DYTN: variants seen among roughly 807,000 people sequenced by gnomAD.
DYTN encodes the protein dystrotelin.
A neutral mutation model predicts 69.6 loss-of-function variants in DYTN; 75 were observed. The observed-to-expected ratio is 1.08, with a 90% CI of 0.89 to 1.31. The LOEUF is 1.31. Ranked by LOEUF, DYTN falls within the 50% of genes most tolerant of loss-of-function variation. DYTN has a pLI of 0.00. For synonymous variants in DYTN, 252 were observed against 249.1 expected (o/e 1.01, Z -0.11); for missense variants, 726 against 688.4 (o/e 1.05, Z -0.61).
intron 11 of DYTN, among the ~76,000 whole-genome samples, chr2:206,659,213 C>T (rs1699480687): frequency 7.0e-6 from 1 of 143,450 alleles, no homozygotes; most frequent in South Asian, 2.2e-4. Context: ...ACCCTGTCGC[C>T]CAGGTTGGAG....
chr2:206,712,742 A>G (rs1439065922), intron 1 of DYTN, among the ~76,000 whole-genome samples: 2 of 152,184 alleles, frequency 1.3e-5, no homozygotes, highest in Non-Finnish European at 2.9e-5. Flanking sequence ...TGAAATTCCA[A>G]TAGTGTCAAC....
chr2:206,687,565 T>G (rs1374691213), intron 9 of DYTN, among the ~76,000 whole-genome samples: 1 of 152,198 alleles, frequency 6.6e-6, no homozygotes, highest in Non-Finnish European at 1.5e-5. Context: ...TATATATCTG[T>G]CTATTCCTTC....
chr2:206,675,124 T>C (rs1699670130), intron 9 of DYTN, among the ~76,000 whole-genome samples: 1 of 137,324 alleles, frequency 7.3e-6, no homozygotes, highest in Non-Finnish European at 1.6e-5. Flanking sequence ...TATGTGTGTG[T>C]GTGTGTGTGT....
In DYTN at chr2:206,685,246, C is replaced by T. The variant is rs566994225; in HGVS notation, c.980+7929G>A. 9.3e-4 allele frequency among the ~76,000 whole-genome samples: 141 copies of T among 152,162 alleles called. 1 individual carries two copies. Among genetic ancestry groups the T allele is most frequent in the African/African-American group, 3.1e-3 (128 of 41,498 alleles). On this transcript the variant is annotated intron_variant, in intron 9 of 11. Transcript: ENST00000452335. ...GCGCAATCACTGCTCACTGTAGCCTCGACCTACCAGGCTCAAGCGATCCTC... is the reference window on the plus strand; with the variant it reads ...GCGCAATCACTGCTCACTGTAGCCTTGACCTACCAGGCTCAAGCGATCCTC...
At chr2:206,658,737 T>G (rs2105886694) in intron 11 of DYTN, among the ~76,000 whole-genome samples, 1 of 152,324 alleles carries the variant, frequency 6.6e-6, no homozygotes, top group South Asian at 2.1e-4. Flanking sequence ...GCATTGAGCC[T>G]TTTGGAAAAG....
intron 11 of DYTN, among the ~76,000 whole-genome samples, chr2:206,659,995 A>AG (rs201821162): frequency 0.29 from 43,396 of 151,948 alleles, 6,280 homozygotes; most frequent in Non-Finnish European, 0.3. Flanking sequence ...TGCAAAGTAT[A>AG]AAGATGTGTA....
chr2:206,685,416 G>T lies in DYTN; in HGVS notation c.980+7759C>A, dbSNP rs138206100. Reference sequence around the variant, plus strand: ...GGGGTCAAGCGATCCTCCCATTTCTGCCTCCCAAAGTGCTGGGATTATGGG... The same window carrying T: ...GGGGTCAAGCGATCCTCCCATTTCTTCCTCCCAAAGTGCTGGGATTATGGG... On this transcript the variant is annotated intron_variant, in intron 9 of 11. Transcript: ENST00000452335. Among the ~76,000 whole-genome samples the T allele has an allele frequency of 3.2e-3, 486 of 152,170 alleles. 4 individuals are homozygous for T. Among genetic ancestry groups the T allele is most frequent in the African/African-American group, 0.011 (443 of 41,500 alleles).
intron 9 of DYTN, 61 bp downstream of exon 9, chr2:206,693,114 A>AT: frequency 2.0e-6 from 3 of 1,529,432 alleles, no homozygotes; most frequent in Non-Finnish European, 2.6e-6. Flanking sequence ...GCCGGTTACC[A>AT]TAACACCCAG....
intron 6 of DYTN, 30 bp downstream of exon 6, chr2:206,700,115 C>G: frequency 6.2e-7 from 1 of 1,612,366 alleles, no homozygotes; most frequent in Non-Finnish European, 8.5e-7. Context: ...TGTCTGTCCC[C>G]AACTCCAGGG....
At chr2:206,688,596 C>T (rs1333856004) in intron 9 of DYTN, among the ~76,000 whole-genome samples, 2 of 152,142 alleles carry the variant, frequency 1.3e-5, no homozygotes, top group Non-Finnish European at 2.9e-5. Flanking sequence ...TCTGCAAATA[C>T]TGAAAAAGCA....
intron 5 of DYTN, chr2:206,701,017 G>T (rs1043360851): frequency 1.3e-5 from 2 of 152,122 alleles, no homozygotes; most frequent in African/African-American, 4.8e-5. Flanking sequence ...ATCACTGATG[G>T]GCATTTGGGT....
In DYTN at chr2:206,666,179, C is replaced by T. The variant is rs911250472; in HGVS notation, c.981-150G>A. On this transcript the variant is annotated intron_variant, in intron 9 of 11. Coordinates refer to ENST00000452335, the MANE Select transcript of DYTN (RefSeq NM_001093730.1). ...TGTGTTTTTTGTTGAGATGGAGCCT[C>T]GCTCTGTCACCTAGGCTGGAGAATG... 2.4e-4 allele frequency: 254 copies of T among 1,068,764 alleles called. 1 individual carries two copies. The African/African-American group carries it at 3.3e-3, about 14-fold the overall frequency. 66.2% of individuals were successfully genotyped at this position (1,068,764 alleles called of 1,614,324 possible).
intron 9 of DYTN, among the ~76,000 whole-genome samples, chr2:206,678,767 G>A (rs7608615): frequency 1.1e-4 from 17 of 151,934 alleles, no homozygotes; most frequent in Admixed American, 5.9e-4. Flanking sequence ...GGGTAATAGC[G>A]GATTATTTGC....
At position 206,705,816 on chromosome 2, in the gene DYTN, T is replaced by C. The variant is rs773934911; in HGVS notation, c.354A>G (p.Ser118=). The part of the protein sequence containing the change: ...MPAAAALITL[S]GDSPLSKYRA... ...GGTATTTTGAAAGAGGGCTGTCTCC[T>C]GAGAGGGTTATTAGGGCAGCGGCCG... is the stretch of plus-strand genomic sequence containing the variant. Residue 118 remains serine, a synonymous_variant, in exon 4 of 12, where the codon TCA becomes TCG. Transcript: ENST00000452335. 1.4e-5 allele frequency: 22 copies of C among 1,613,886 alleles called. No individual in the cohort carries two copies. In the South Asian group the frequency reaches 2.1e-4, roughly 15 times the overall value.
chr2:206,685,312 C>T (rs1220513755), intron 9 of DYTN, among the ~76,000 whole-genome samples: 3 of 152,012 alleles, frequency 2.0e-5, no homozygotes, highest in African/African-American at 7.2e-5. Flanking sequence ...CAGGCGTGCA[C>T]CACCACGCCC....
intron 9 of DYTN, among the ~76,000 whole-genome samples, chr2:206,674,330 CTAAT>C (rs142551160): frequency 0.029 from 4,381 of 152,084 alleles, 192 homozygotes; most frequent in African/African-American, 0.1. Flanking sequence ...TTTTTCTTAA[CTAAT>C]TATTTTGAAA....
chr2:206,699,750 C>T lies in DYTN; in HGVS notation c.696G>A (p.Arg232=). 3 of 1,613,538 alleles carry T rather than the reference C, an allele frequency of 1.9e-6. No individual in the cohort carries two copies. The highest frequency in any genetic ancestry group is 2.5e-6 in the Non-Finnish European group (3 of 1,179,722). Residue 232 remains arginine (R), a synonymous_variant, in exon 7 of 12, where the codon AGG becomes AGA. Transcript: ENST00000452335. The part of the protein sequence containing the change: ...VTHPARCTLC[R]TFPITGLRYR... Reference sequence around the variant, plus strand: ...ACCTGAGTCCCGTGATTGGGAAAGTCCTGCAGAGAGTGCACCGAGCAGGGT... The same window carrying T: ...ACCTGAGTCCCGTGATTGGGAAAGTTCTGCAGAGAGTGCACCGAGCAGGGT...
chr2:206,669,912 T>C (rs1699611828), intron 9 of DYTN, among the ~76,000 whole-genome samples: 1 of 152,210 alleles, frequency 6.6e-6, no homozygotes, highest in East Asian at 1.9e-4. Flanking sequence ...ATACATAGAA[T>C]TGCTAGTTTA....
chr2:206,662,410 C>T (rs1000293849), intron 11 of DYTN, among the ~76,000 whole-genome samples: 1 of 151,986 alleles, frequency 6.6e-6, no homozygotes, highest in Non-Finnish European at 1.5e-5. Flanking sequence ...GAAGCAGTAA[C>T]TACAGTAAAG....
Sources: allele counts gnomAD v4.1 joint callset (sites outside exome capture counted in the v4.1 genomes callset), GRCh38; gene constraint gnomAD v4.1.1; transcripts MANE v1.5; gene names NCBI Gene and HGNC (gene_info 2026-07-23, HGNC 2026-07-21).